FZR1: variants seen among roughly 807,000 people sequenced by gnomAD.
The protein encoded by FZR1 is fizzy and cell division cycle 20 related 1.
In FZR1, 11 loss-of-function variants were observed where a neutral mutation model predicts 63.6. The ratio of observed to expected loss-of-function variants is 0.17; its 90% CI spans 0.11 to 0.29. FZR1 has a LOEUF of 0.29. Ranked by LOEUF, FZR1 falls within the 10% of genes least tolerant of loss-of-function variation. FZR1 has a pLI of 1.00. For missense variants in FZR1, 440 were observed against 687.5 expected, an observed-to-expected ratio of 0.64 and a Z score of 4.03; for synonymous variants, 328 against 297.9, an observed-to-expected ratio of 1.10 and a Z score of -1.04.
intron 7 of FZR1, among the ~76,000 whole-genome samples, chr19:3,529,696 T>G (rs867241365): frequency 7.0e-3 from 236 of 33,738 alleles, no homozygotes; most frequent in Middle Eastern, 0.026. Flanking sequence ...GAGTGGATGG[T>G]TGAGCGGATG....
intron 8 of FZR1, 112 bp downstream of exon 8, chr19:3,530,969 C>A: frequency 1.4e-6 from 1 of 734,566 alleles, no homozygotes; most frequent in South Asian, 1.7e-5. Context: ...CGCCTGTGTC[C>A]AAGCATAGGT....
At position 3,525,388 on chromosome 19, in the gene FZR1, A is replaced by G. The variant is rs988598819; in HGVS notation, c.70-480A>G. Among the ~76,000 whole-genome samples, 3 of 142,596 alleles carry G rather than the reference A, an allele frequency of 2.1e-5. No individual in the cohort carries two copies. Among genetic ancestry groups the G allele is most frequent in the East Asian group, 2.1e-4 (1 of 4,680 alleles). The allele number at this position is 142,596 out of a possible 152,430, so 93.5% of individuals were successfully genotyped here. A position where few individuals can be genotyped will look rare whatever the true frequency, so the allele number is the denominator to read the frequency against. On this transcript the variant is annotated intron_variant, in intron 2 of 13. Transcript: ENST00000441788. The surrounding 1 kb of genome is among the most constrained non-coding windows in gnomAD (Gnocchi z 4.2). ...GCTTCTGGCACAGAAATCCCTGACC[A>G]TGAGTGACCACGAGTGACTGTGTGG...
chr19:3,526,866 G>A lies in FZR1; in HGVS notation c.388-114G>A, dbSNP rs1195740511. On this transcript the variant is annotated intron_variant, in intron 5 of 13. Transcript: ENST00000441788. The surrounding 1 kb of genome is among the most constrained non-coding windows in gnomAD (Gnocchi z 5.4). Reference sequence around the variant, plus strand: ...CCTTTTTACAGCTGCTCCACACAGGGTCTCAGCACCTGCCTTAGGGCTATG... The same window carrying A: ...CCTTTTTACAGCTGCTCCACACAGGATCTCAGCACCTGCCTTAGGGCTATG... 9.4e-6 allele frequency: 7 copies of A among 745,354 alleles called. No homozygotes were observed. The East Asian group carries it at 1.0e-4, about 11-fold the overall frequency. The allele number at this position is 745,354 out of a possible 1,614,324, so 46.2% of individuals were successfully genotyped here.
intron 1 of FZR1, among the ~76,000 whole-genome samples, chr19:3,508,766 A>G (rs886223210): frequency 2.0e-5 from 3 of 152,194 alleles, no homozygotes; most frequent in Admixed American, 6.5e-5. Flanking sequence ...CCACTGCCCA[A>G]TTCTGTCCCC....
At chr19:3,513,913 C>T (rs1378795518) in intron 1 of FZR1, among the ~76,000 whole-genome samples, 2 of 152,176 alleles carry the variant, frequency 1.3e-5, no homozygotes, top group Non-Finnish European at 2.9e-5. Context: ...CATAAAAGAT[C>T]CGTCATTGGG....
chr19:3,528,516 CCT>C (rs1491189832), intron 7 of FZR1, among the ~76,000 whole-genome samples: 49 of 146,630 alleles, frequency 3.3e-4, no homozygotes, highest in African/African-American at 1.2e-3. Context: ...CAGGCTCTCC[CCT>C]GTGTGTGTGT....
At chr19:3,521,789 C>T (rs984869080) in intron 1 of FZR1, among the ~76,000 whole-genome samples, 3 of 152,208 alleles carry the variant, frequency 2.0e-5, no homozygotes, top group Admixed American at 6.5e-5. Flanking sequence ...CGTGAGCCAC[C>T]GTGCCTGGCC....
In FZR1 at chr19:3,526,069, C is replaced by A; in HGVS notation, c.196-51C>A. 1.9e-6 allele frequency: 3 copies of A among 1,610,652 alleles called. No homozygotes were observed. The highest frequency in any genetic ancestry group is 2.5e-6 in the Non-Finnish European group (3 of 1,178,174). ...CCTCCCAGCCTCCTTGCTCTAGGGCCGGGAACAAGCGGGCTCCTCGACCCC... is the reference window on the plus strand; with the variant it reads ...CCTCCCAGCCTCCTTGCTCTAGGGCAGGGAACAAGCGGGCTCCTCGACCCC... On this transcript the variant is annotated intron_variant, in intron 3 of 13. Coordinates refer to ENST00000441788, the MANE Select transcript of FZR1 (RefSeq NM_016263.4). The surrounding 1 kb of genome is among the most constrained non-coding windows in gnomAD (Gnocchi z 5.4).
In FZR1 at chr19:3,534,912, G is replaced by A; in HGVS notation, c.*76G>A. The A allele has an allele frequency of 8.4e-7, 1 of 1,196,894 alleles. No homozygotes were observed. The highest frequency in any genetic ancestry group is 1.2e-6 in the Non-Finnish European group (1 of 807,526). 74.1% of individuals were successfully genotyped at this position (1,196,894 alleles called of 1,614,324 possible). On this transcript the variant is annotated 3_prime_UTR_variant, in exon 14 of 14. Transcript: ENST00000441788. ...CAGCTCCTCAGCTTGCATGGACTCTGCCTTCCCAGCGCTTGTCCCCCGAGG... is the reference window on the plus strand; with the variant it reads ...CAGCTCCTCAGCTTGCATGGACTCTACCTTCCCAGCGCTTGTCCCCCGAGG...
At chr19:3,509,886 G>A (rs777428776) in intron 1 of FZR1, among the ~76,000 whole-genome samples, 5 of 152,150 alleles carry the variant, frequency 3.3e-5, no homozygotes, top group African/African-American at 4.8e-5. Flanking sequence ...GTGTCTGCCT[G>A]TTGTGAGTTG....
At chr19:3,531,479 G>C (rs964395103) in intron 8 of FZR1, among the ~76,000 whole-genome samples, 1 of 152,238 alleles carries the variant, frequency 6.6e-6, no homozygotes, top group South Asian at 2.1e-4. Flanking sequence ...TCCACGTACC[G>C]AGTCTTGGCT....
chr19:3,506,568 G>C (rs1311187128), intron 1 of FZR1, 94 bp downstream of exon 1: 2 of 151,768 alleles, frequency 1.3e-5, no homozygotes, highest in African/African-American at 2.4e-5. Context: ...GGCGGGCTGC[G>C]ACCCCCACCC....
rs2083229285 is a variant in FZR1, at chr19:3,530,271, TGGGAGAGCGGATGGGAGAGCGCAG to T, written c.655-509_655-486del. Among the ~76,000 whole-genome samples the T allele has an allele frequency of 1.5e-5, 2 of 129,628 alleles. 1 individual carries two copies. Among genetic ancestry groups the T allele is most frequent in the Non-Finnish European group, 3.3e-5 (2 of 61,080 alleles). The allele number at this position is 129,628 out of a possible 152,430, so 85.0% of individuals were successfully genotyped here. Reference sequence around the variant, plus strand: ...ATGGGTGAGCGGATGGGAGAGCGGATGGGAGAGCGGATGGGAGAGCGCAGGGGAGAGCGGAGGAGAGAGCGGAGG... The same window carrying T: ...ATGGGTGAGCGGATGGGAGAGCGGATGGGAGAGCGGAGGAGAGAGCGGAGG... On this transcript the variant is annotated intron_variant, in intron 7 of 13. Coordinates refer to ENST00000441788, the MANE Select transcript of FZR1 (RefSeq NM_016263.4).
At chr19:3,513,448 A>C (rs2083037630) in intron 1 of FZR1, among the ~76,000 whole-genome samples, 1 of 152,216 alleles carries the variant, frequency 6.6e-6, no homozygotes, top group South Asian at 2.1e-4. Context: ...AGCCAGACCC[A>C]GACTGGCTGG....
chr19:3,534,257 CT>C, intron 12 of FZR1, 163 bp from the exon 13 acceptor site: 2 of 474,842 alleles, frequency 4.2e-6, no homozygotes, highest in Non-Finnish European at 7.4e-6. Flanking sequence ...AGGCTCCAAC[CT>C]TGGTTTCTGC....
At position 3,532,502 on chromosome 19, in the gene FZR1, C is replaced by T. The variant is rs1343907939; in HGVS notation, c.1094C>T (p.Pro365Leu). The T allele has an allele frequency of 6.2e-7, 1 of 1,609,336 alleles. No homozygotes were observed. Among genetic ancestry groups the T allele is most frequent in the Admixed American group, 1.7e-5 (1 of 59,734 alleles). The part of the protein sequence containing the change: ...LAAVKAIAWS[P>L]HQHGLLASGG... ...GCCGTGAAGGCCATCGCCTGGTCCCCACATCAGCACGGGCTGCTGGCCTCG... is the reference window on the plus strand; with the variant it reads ...GCCGTGAAGGCCATCGCCTGGTCCCTACATCAGCACGGGCTGCTGGCCTCG... Residue 365 changes from proline (P) to leucine (L), a missense_variant, in exon 11 of 14, where the codon CCA (proline) becomes CTA (leucine). By Grantham distance (98) the Pro-to-Leu change is moderately conservative. Around this residue, in one of 5 missense-constraint regions of FZR1, gnomAD observed 208 missense variants for 363.6 expected, o/e 0.57. Transcript: ENST00000441788.
intron 1 of FZR1, among the ~76,000 whole-genome samples, chr19:3,507,766 G>T (rs934205176): frequency 4.9e-4 from 75 of 152,360 alleles, no homozygotes; most frequent in African/African-American, 1.8e-3. Context: ...TTTGGTCCCC[G>T]GAGTGGATGT....
intron 10 of FZR1, 80 bp downstream of exon 10, chr19:3,532,175 T>TGGGGCG: frequency 7.4e-7 from 1 of 1,357,074 alleles, no homozygotes; most frequent in Admixed American, 2.7e-5. Context: ...GAGCCTGGGC[T>TGGGGCG]GGGGCGGGCG....
chr19:3,532,512 C>T lies in FZR1; in HGVS notation c.1104C>T (p.His368=), dbSNP rs747820374. 2.9e-5 allele frequency: 46 copies of T among 1,611,036 alleles called. No homozygotes were observed. Among genetic ancestry groups the T allele is most frequent in the African/African-American group, 8.0e-5 (6 of 74,900 alleles). The change falls in exon 11 of 14, where the codon CAC becomes CAT. Residue 368 remains histidine (H), a synonymous_variant. Transcript: ENST00000441788. The part of the protein sequence containing the change: ...VKAIAWSPHQ[H]GLLASGGGTA... The stretch of plus-strand genomic sequence containing the variant: ...CCATCGCCTGGTCCCCACATCAGCA[C>T]GGGCTGCTGGCCTCGGGGGGCGGCA...
Sources: gnomAD v4.1 joint callset for allele counts (sites outside exome capture counted in the v4.1 genomes callset) on GRCh38, gnomAD v4.1.1 for gene constraint, gnomAD v4.1.1 regional missense constraint, Gnocchi (gnomAD v3.1) non-coding constraint, MANE v1.5 for transcripts, NCBI Gene and HGNC (gene_info 2026-07-23, HGNC 2026-07-21) for gene names.